CAPN2: variants seen among roughly 807,000 people sequenced by gnomAD.
CAPN2 encodes the protein calpain-2 catalytic subunit.
A neutral mutation model predicts 102.3 loss-of-function variants in CAPN2; 92 were observed. The observed-to-expected ratio is 0.90, with a 90% CI of 0.76 to 1.07. CAPN2 has a LOEUF of 1.07. CAPN2 is among the 50% of genes least tolerant of loss of function. The pLI is 0.00. For missense variants in CAPN2, 800 were observed against 909.4 expected (o/e 0.88, Z 1.55); for synonymous variants, 340 against 355.4 (o/e 0.96, Z 0.49).
chr1:223,740,854 A>C (rs1660593554), intron 2 of CAPN2, among the ~76,000 whole-genome samples: 1 of 152,212 alleles, frequency 6.6e-6, no homozygotes, highest in Non-Finnish European at 1.5e-5. Context: ...GACCTGTCCA[A>C]TTTCGAATTC....
At chr1:223,761,744 T>A in intron 13 of CAPN2, 127 bp downstream of exon 13, 1 of 783,514 alleles carries the variant, frequency 1.3e-6, no homozygotes, top group Non-Finnish European at 2.1e-6. Flanking sequence ...AGCCGGGTAC[T>A]GGGAATCCAA....
chr1:223,746,522 A>G (rs1035526961), intron 4 of CAPN2, among the ~76,000 whole-genome samples: 8 of 133,778 alleles, frequency 6.0e-5, no homozygotes, highest in African/African-American at 1.9e-4. Context: ...TCTGTCACCC[A>G]GGCTGGAGTG....
chr1:223,736,849 A>T (rs1302196899), intron 2 of CAPN2, among the ~76,000 whole-genome samples: 2 of 152,100 alleles, frequency 1.3e-5, no homozygotes, highest in African/African-American at 4.8e-5. Context: ...GTTTGAGACT[A>T]GCCTGGGCAA....
At chr1:223,715,486 C>T (rs1466884774) in intron 1 of CAPN2, among the ~76,000 whole-genome samples, 11 of 151,940 alleles carry the variant, frequency 7.2e-5, no homozygotes, top group African/African-American at 2.2e-4. Flanking sequence ...AGTGAGAATA[C>T]GGGTTGTGGG....
At chr1:223,748,240 G>T (rs1049095115) in intron 5 of CAPN2, among the ~76,000 whole-genome samples, 1 of 152,212 alleles carries the variant, frequency 6.6e-6, no homozygotes, top group Admixed American at 6.5e-5. Context: ...CAGGAGCCTT[G>T]GAGCAAAGGC....
intron 3 of CAPN2, among the ~76,000 whole-genome samples, 185 bp downstream of exon 3, chr1:223,744,403 G>A (rs901942654): frequency 2.0e-5 from 3 of 152,106 alleles, no homozygotes; most frequent in African/African-American, 7.2e-5. Flanking sequence ...TGTGAGACCC[G>A]GCTGGGATGG....
chr1:223,746,926 G>A (rs1660763923), intron 4 of CAPN2, 71 bp from the exon 5 acceptor site: 2 of 1,380,010 alleles, frequency 1.4e-6, no homozygotes, highest in East Asian at 2.3e-5. Flanking sequence ...CGGTACTAGG[G>A]GGTGGCTGTT....
Position 223,745,568 on chromosome 1 carries a change from C to T in CAPN2, c.560+129C>T, listed in dbSNP as rs1257017144. ...GGTGGATCATTTGAGGTCAGGAGTT[C>T]GAGACCAGCCTGGCCAACATGATGA... On this transcript the variant is annotated intron_variant, in intron 4 of 20. Transcript: ENST00000295006. 1.7e-5 allele frequency: 16 copies of T among 959,696 alleles called. No individual in the cohort carries two copies. In the East Asian group the frequency reaches 3.0e-4, roughly 18 times the overall value. The allele number at this position is 959,696 out of a possible 1,614,324, so 59.4% of individuals were successfully genotyped here.
chr1:223,717,314 A>G (rs1412224193), intron 1 of CAPN2, among the ~76,000 whole-genome samples: 1 of 152,210 alleles, frequency 6.6e-6, no homozygotes, highest in Admixed American at 6.5e-5. Flanking sequence ...GGTATGATGC[A>G]ATATGGAAAA....
At chr1:223,730,271 C>T (rs1660304686) in intron 2 of CAPN2, among the ~76,000 whole-genome samples, 1 of 151,762 alleles carries the variant, frequency 6.6e-6, no homozygotes, top group Admixed American at 6.6e-5. Context: ...GTCCAACCCT[C>T]GTGCTGCCCA....
intron 1 of CAPN2, among the ~76,000 whole-genome samples, chr1:223,706,789 C>T (rs1158324809): frequency 6.6e-6 from 1 of 152,150 alleles, no homozygotes; most frequent in Non-Finnish European, 1.5e-5. Context: ...GTTAGTATCT[C>T]CAGAACCTGG....
rs1153949 is a variant in CAPN2 at position 223,772,257 on chromosome 1, G to A, written c.2079+18G>A. The A allele has an allele frequency of 0.082, 131,449 of 1,610,030 alleles. 7,908 individuals carry two copies. The highest frequency in any genetic ancestry group is 0.25 in the African/African-American group (18,972 of 74,804). The stretch of plus-strand genomic sequence containing the variant: ...TTATCTCTGTGAGTCAGCAGGCCCC[G>A]CCTTGCTTCTAAGGGGATGGGGGAG... On this transcript the variant is annotated intron_variant, in intron 20 of 20. Coordinates refer to ENST00000295006, the MANE Select transcript of CAPN2 (RefSeq NM_001748.5).
In CAPN2 at chr1:223,750,924, G is replaced by C. The variant is rs780815282; in HGVS notation, c.848G>C (p.Arg283Pro). The C allele has an allele frequency of 3.9e-6, 6 of 1,552,540 alleles. No individual in the cohort carries two copies. In the African/African-American group the frequency reaches 8.2e-5, roughly 21 times the overall value. ...AACGGAAGCCTACAGAAACTGATCCGCATCCGAAATCCCTGGGGAGAAGTG... is the reference window on the plus strand; with the variant it reads ...AACGGAAGCCTACAGAAACTGATCCCCATCCGAAATCCCTGGGGAGAAGTG... Reference protein sequence around the residue: ...ESNGSLQKLIRIRNPWGEVEW... With the variant: ...ESNGSLQKLIPIRNPWGEVEW... Residue 283 changes from arginine to proline, a missense_variant, in exon 7 of 21, where the codon CGC becomes CCC. Coordinates refer to ENST00000295006, the MANE Select transcript of CAPN2 (RefSeq NM_001748.5).
At chr1:223,709,487 C>T (rs1416699916), upstream of CAPN2, among the ~76,000 whole-genome samples, 6 of 151,894 alleles carry the variant, frequency 4.0e-5, no homozygotes, top group African/African-American at 1.2e-4. Flanking sequence ...GTGGAGAAAC[C>T]CTGTCCCTAC....
chr1:223,761,482 C>G (rs1440193011), intron 12 of CAPN2, 99 bp from the exon 13 acceptor site: 4 of 919,918 alleles, frequency 4.3e-6, no homozygotes, highest in Non-Finnish European at 6.9e-6. Flanking sequence ...CCACCTACCC[C>G]CTGCTGGATT....
At chr1:223,743,762 A>G (rs1374746213) in intron 2 of CAPN2, among the ~76,000 whole-genome samples, 1 of 152,202 alleles carries the variant, frequency 6.6e-6, no homozygotes, top group African/African-American at 2.4e-5. Flanking sequence ...ATCAGGTGCA[A>G]GGCTGGGCTC....
Position 223,705,630 on chromosome 1 carries a change from C to T in CAPN2, c.3+3799C>T, listed in dbSNP as rs192120939. 1.5e-3 allele frequency among the ~76,000 whole-genome samples: 227 copies of T among 152,240 alleles called. 2 individuals carry two copies. Among genetic ancestry groups the T allele is most frequent in the Middle Eastern group, 6.8e-3 (2 of 294 alleles). ...GGAGCTTGCTGATGGGAATTATGGA[C>T]GGGGCCAACTCCTCTCCCAGCACCC... On this transcript the variant is annotated intron_variant, in intron 1 of 20. Coordinates refer to the CAPN2 transcript ENST00000433674.
At chr1:223,748,228 C>T (rs975084549) in intron 5 of CAPN2, among the ~76,000 whole-genome samples, 3 of 152,220 alleles carry the variant, frequency 2.0e-5, no homozygotes, top group African/African-American at 7.2e-5. Flanking sequence ...GGGCACTGTG[C>T]CCAGGAGCCT....
intron 11 of CAPN2, chr1:223,758,744 T>C (rs1661104590): frequency 6.2e-6 from 1 of 160,714 alleles, no homozygotes; most frequent in Admixed American, 5.8e-5. Context: ...CAGGCTAGAG[T>C]ACAGTGGTGT....
Sources: gnomAD v4.1 joint callset for allele counts (sites outside exome capture counted in the v4.1 genomes callset) on GRCh38, gnomAD v4.1.1 for gene constraint, MANE v1.5 for transcripts, NCBI Gene and HGNC (gene_info 2026-07-23, HGNC 2026-07-21) for gene names.